The following CCBE1 variants were observed in gnomAD, a reference collection of about 807,000 sequenced individuals.
CCBE1 encodes collagen and calcium binding EGF domains 1.
In CCBE1, 37 loss-of-function variants were observed where a neutral mutation model predicts 50.0. The ratio of observed to expected loss-of-function variants is 0.74; its 90% CI spans 0.57 to 0.97. CCBE1 has a LOEUF of 0.97. Ranked by LOEUF, CCBE1 falls within the 50% of genes least tolerant of loss-of-function variation. The pLI is 0.00. For missense variants in CCBE1, 538 were observed against 523.8 expected, an observed-to-expected ratio of 1.03 and a Z score of -0.26; for synonymous variants, 234 against 203.7, an observed-to-expected ratio of 1.15 and a Z score of -1.27.
intron 2 of CCBE1, among the ~76,000 whole-genome samples, chr18:59,629,917 C>T (rs764587232): frequency 7.2e-5 from 11 of 152,262 alleles, no homozygotes; most frequent in East Asian, 1.9e-4. Context: ...CAGTTCTCTG[C>T]GTGACCATTT....
chr18:59,663,085 G>A (rs895520522), intron 2 of CCBE1, among the ~76,000 whole-genome samples: 2 of 149,466 alleles, frequency 1.3e-5, no homozygotes, highest in African/African-American at 5.0e-5. Context: ...TATTTCCCAT[G>A]TGCTAGGCAC....
chr18:59,517,777 C>G (rs1282420520), intron 2 of CCBE1, among the ~76,000 whole-genome samples: 1 of 152,196 alleles, frequency 6.6e-6, no homozygotes, highest in Non-Finnish European at 1.5e-5. Flanking sequence ...AGCAGTTAGG[C>G]TGGAAGGGGG....
intron 3 of CCBE1, 142 bp from the exon 4 acceptor site, chr18:59,469,749 C>T (rs1257115369): frequency 2.8e-6 from 3 of 1,071,610 alleles, no homozygotes; most frequent in Non-Finnish European, 4.2e-6. Flanking sequence ...GGGACAGGAA[C>T]TCTTTAGGGC....
chr18:59,678,864 G>T (rs190361797), intron 2 of CCBE1, among the ~76,000 whole-genome samples: 219 of 152,252 alleles, frequency 1.4e-3, no homozygotes, highest in Non-Finnish European at 2.0e-3. Context: ...CTAATGTATC[G>T]AGTGTTGACT....
intron 2 of CCBE1, among the ~76,000 whole-genome samples, chr18:59,498,505 T>C (rs555988257): frequency 6.6e-6 from 1 of 152,372 alleles, no homozygotes; most frequent in South Asian, 2.1e-4. Flanking sequence ...GCTGAATTTC[T>C]ATGCATTTTA....
chr18:59,662,563 T>C (rs770077212), intron 2 of CCBE1, among the ~76,000 whole-genome samples: 3 of 152,184 alleles, frequency 2.0e-5, no homozygotes, highest in Non-Finnish European at 2.9e-5. Context: ...ATTACACAAA[T>C]AGTCATCCAA....
intron 5 of CCBE1, among the ~76,000 whole-genome samples, chr18:59,461,729 C>CTT (rs36013463): frequency 0.052 from 5,644 of 109,182 alleles, 402 homozygotes; most frequent in East Asian, 0.25. Context: ...CAGGTGTAAT[C>CTT]TTTTTTTTTT....
intron 2 of CCBE1, among the ~76,000 whole-genome samples, chr18:59,616,501 T>C (rs1479260598): frequency 6.6e-6 from 1 of 152,102 alleles, no homozygotes; most frequent in East Asian, 1.9e-4. Context: ...AGAACATGCC[T>C]CCCCAAGGAG....
At chr18:59,504,384 C>CTT (rs10551471) in intron 2 of CCBE1, among the ~76,000 whole-genome samples, 1 of 143,186 alleles carries the variant, frequency 7.0e-6, no homozygotes, top group African/African-American at 2.6e-5. Flanking sequence ...GAATGTCTTC[C>CTT]TTTTTTTTTT....
intron 2 of CCBE1, among the ~76,000 whole-genome samples, chr18:59,544,313 A>G (rs1182096411): frequency 6.6e-6 from 1 of 151,622 alleles, no homozygotes; most frequent in Admixed American, 6.6e-5. Flanking sequence ...TAGAATCACT[A>G]ACTGTATTTG....
Position 59,454,866 on chromosome 18 carries a change from C to T in CCBE1, c.639G>A (p.Leu213=), listed in dbSNP as rs775614709. Reference sequence around the variant, plus strand: ...CGGCACGTACCTTTTGCTTCAGCTGCAGCACGGTCTGCTTCATCTGGTAGA... The same window carrying T: ...CGGCACGTACCTTTTGCTTCAGCTGTAGCACGGTCTGCTTCATCTGGTAGA... ...KEFYQMKQTV[L]QLKQKIALLP... Residue 213 remains leucine, a synonymous_variant, in exon 6 of 11, where the codon CTG becomes CTA. Coordinates refer to ENST00000439986, the MANE Select transcript of CCBE1 (RefSeq NM_133459.4). The T allele has an allele frequency of 2.5e-6, 4 of 1,614,028 alleles. No individual in the cohort carries two copies. Among genetic ancestry groups the T allele is most frequent in the African/African-American group, 2.7e-5 (2 of 74,950 alleles).
At chr18:59,555,694 T>A (rs1441638377) in intron 2 of CCBE1, among the ~76,000 whole-genome samples, 1 of 152,114 alleles carries the variant, frequency 6.6e-6, no homozygotes, top group Non-Finnish European at 1.5e-5. Flanking sequence ...AATGTTACAG[T>A]CACAGTTGAA....
At chr18:59,596,256 G>A (rs1009014581) in intron 2 of CCBE1, among the ~76,000 whole-genome samples, 9 of 152,130 alleles carry the variant, frequency 5.9e-5, no homozygotes, top group African/African-American at 1.7e-4. Flanking sequence ...CTGCTTGGAC[G>A]TAAAGTACCA....
intron 2 of CCBE1, among the ~76,000 whole-genome samples, chr18:59,572,272 T>C (rs891278415): frequency 6.6e-6 from 1 of 152,220 alleles, no homozygotes; most frequent in African/African-American, 2.4e-5. Context: ...GGCAGTATTA[T>C]TGTAGCTGTC....
upstream of CCBE1, chr18:59,697,482 C>G: frequency 8.8e-7 from 1 of 1,139,634 alleles, no homozygotes. Flanking sequence ...GCACGGGGAG[C>G]AGGGGTCCGG....
intron 2 of CCBE1, among the ~76,000 whole-genome samples, chr18:59,556,172 T>C (rs947780022): frequency 6.6e-6 from 1 of 152,212 alleles, no homozygotes; most frequent in South Asian, 2.1e-4. Context: ...CTGACCTACC[T>C]GCTGTGGCAT....
chr18:59,500,115 G>A (rs1450863146), intron 2 of CCBE1, among the ~76,000 whole-genome samples: 5 of 152,182 alleles, frequency 3.3e-5, no homozygotes, highest in Admixed American at 3.3e-4. Context: ...AGACTATCCT[G>A]AGGACCTCTT....
chr18:59,466,747 T>C lies in CCBE1; in HGVS notation c.545A>G (p.Asn182Ser), dbSNP rs764855611. The C allele has an allele frequency of 3.1e-6, 5 of 1,612,624 alleles. No homozygotes were observed. In the East Asian group the frequency reaches 6.7e-5, roughly 22 times the overall value. The change falls in exon 5 of 11, where the codon AAT (asparagine) becomes AGT (serine). Residue 182 changes from asparagine (N) to serine (S), a missense_variant. Transcript: ENST00000439986. ...AGACTTGCCCTACTTACCAGTGTCA[T>C]TGGGATATTTGTCTCCCCTGGTACA... ...KTCTRGDKYP[N>S]DTGHEKSENM...
At chr18:59,481,392 A>C (rs2143774592) in intron 2 of CCBE1, among the ~76,000 whole-genome samples, 1 of 152,284 alleles carries the variant, frequency 6.6e-6, no homozygotes, top group African/African-American at 2.4e-5. Context: ...CAGTAAATGG[A>C]GCAGAAAAAT....
Sources: allele counts gnomAD v4.1 joint callset (sites outside exome capture counted in the v4.1 genomes callset), GRCh38; gene constraint gnomAD v4.1.1; transcripts MANE v1.5; gene names NCBI Gene and HGNC (gene_info 2026-07-23, HGNC 2026-07-21).